The following STAU1 variants were observed in gnomAD, a reference collection of about 807,000 sequenced individuals.
STAU1 encodes the protein double-stranded RNA-binding protein Staufen homolog 1.
A neutral mutation model predicts 62.9 loss-of-function variants in STAU1; 13 were observed. That is an observed-to-expected ratio of 0.21 (90% CI 0.13 to 0.33). STAU1 has a LOEUF of 0.33. Ranked by LOEUF, STAU1 falls within the 10% of genes least tolerant of loss-of-function variation. The pLI is 1.00. For missense variants in STAU1, 571 were observed against 712.1 expected (o/e 0.80, Z 2.25); for synonymous variants, 269 against 265.1 (o/e 1.01, Z -0.14).
chr20:49,149,769 A>G (rs1308016730), intron 5 of STAU1, among the ~76,000 whole-genome samples: 1 of 152,166 alleles, frequency 6.6e-6, no homozygotes, highest in African/African-American at 2.4e-5. Context: ...ATAGCGGAAA[A>G]TGGAAATGCA....
chr20:49,137,106 G>T (rs1264974271), intron 5 of STAU1, among the ~76,000 whole-genome samples: 1 of 152,202 alleles, frequency 6.6e-6, no homozygotes, highest in Admixed American at 6.5e-5. Context: ...CAAGGCTACA[G>T]TGAGCTGTGA....
At chr20:49,141,737 A>G (rs2093012080) in intron 5 of STAU1, among the ~76,000 whole-genome samples, 1 of 151,520 alleles carries the variant, frequency 6.6e-6, no homozygotes, top group Admixed American at 6.6e-5. Flanking sequence ...TCTACTAAAA[A>G]TACAGAAAGT....
At chr20:49,133,065 A>T (rs2092787091) in intron 6 of STAU1, among the ~76,000 whole-genome samples, 1 of 152,212 alleles carries the variant, frequency 6.6e-6, no homozygotes, top group South Asian at 2.1e-4. Context: ...ACTACATGCA[A>T]GCTGTGATAA....
chr20:49,166,196 A>C lies in STAU1; in HGVS notation c.6T>G (p.Ser2=), dbSNP rs2093523677. The C allele has an allele frequency of 3.7e-6, 6 of 1,614,186 alleles. No individual in the cohort carries two copies. Among genetic ancestry groups the C allele is most frequent in the Non-Finnish European group, 5.1e-6 (6 of 1,180,026 alleles). Residue 2 remains serine (S), a synonymous_variant, in exon 3 of 14, where the codon TCT becomes TCG. Transcript: ENST00000371856. M[S]QVQVQVQNPS... ...GGTTCTGAACTTGCACTTGAACTTG[A>C]GACATGGTCACTTTCAACAAAAGTG...
chr20:49,152,103 T>C (rs917400319), intron 4 of STAU1, among the ~76,000 whole-genome samples: 11 of 152,206 alleles, frequency 7.2e-5, no homozygotes, highest in African/African-American at 2.4e-4. Context: ...GCTTTAAATT[T>C]GCATGTCTCC....
chr20:49,126,588 C>CAAAAAAAAAAAAAAAAAAACAA, intron 6 of STAU1, among the ~76,000 whole-genome samples: 1 of 56,348 alleles, frequency 1.8e-5, no homozygotes, highest in African/African-American at 6.4e-5. Context: ...AAAAAAAAAA[C>CAAAAAAAAAAAAAAAAAAACAA]AAAAAAAAAA....
chr20:49,169,301 C>T (rs964801946), intron 2 of STAU1, among the ~76,000 whole-genome samples: 2 of 151,970 alleles, frequency 1.3e-5, no homozygotes, highest in East Asian at 1.9e-4. Context: ...AAAGAGAAGC[C>T]GGAACAGACA....
intron 5 of STAU1, among the ~76,000 whole-genome samples, chr20:49,138,048 G>A (rs867165652): frequency 3.3e-5 from 5 of 152,160 alleles, no homozygotes; most frequent in Middle Eastern, 6.8e-3. Flanking sequence ...ACTTTTTAAG[G>A]ACAAGGTGGG....
chr20:49,166,094 AG>A lies in STAU1; in HGVS notation c.107del (p.Pro36LeufsTer36). The A allele has an allele frequency of 6.2e-7, 1 of 1,614,216 alleles. No individual in the cohort carries two copies. Among genetic ancestry groups the A allele is most frequent in the Non-Finnish European group, 8.5e-7 (1 of 1,180,028 alleles). On this transcript the variant is annotated frameshift_variant, in exon 3 of 14. Transcript: ENST00000371856. LOFTEE classifies it high-confidence loss of function. ...SLLSQPLMSIPSTTSSLPSEN... is the reference protein window; with the variant it reads ...SLLSQPLMSIXSTTSSLPSEN... ...CAGAGGGCAGAGAGCTAGTAGTAGA[AG>A]GAATACTCATCAAAGGCTGTGAGAG...
chr20:49,173,407 C>T lies in STAU1; in HGVS notation c.-85+788G>A, dbSNP rs146138286. Among the ~76,000 whole-genome samples, 268 of 152,228 alleles carry T rather than the reference C, an allele frequency of 1.8e-3. 1 individual carries two copies. The highest frequency in any genetic ancestry group is 5.0e-3 in the African/African-American group (206 of 41,566). On this transcript the variant is annotated intron_variant, in intron 2 of 13. Transcript: ENST00000371856. ...AGGAGGCCGAGGTGAGCCAACATGG[C>T]GCCATTGCACTCCAACCTGGGCAAC...
In STAU1 at chr20:49,124,441, TAAC is replaced by T. The variant is rs2092544412; in HGVS notation, c.753_755del (p.Leu252del). 1 of 1,614,220 alleles carries T rather than the reference TAAC, an allele frequency of 6.2e-7. No individual in the cohort carries two copies. ...CTCGTTCAACTGCAGGCAGGGGCGG[TAAC>T]TTCTTCAGCTCCTCAAGAACAGCTA... is the stretch of plus-strand genomic sequence containing the variant. On this transcript the variant is annotated inframe_deletion, in exon 7 of 14. Coordinates refer to ENST00000371856, the MANE Select transcript of STAU1 (RefSeq NM_017453.4).
At chr20:49,209,506 G>A in the STAU1 span, among the ~76,000 whole-genome samples, 2 of 151,370 alleles carry the variant, frequency 1.3e-5, no homozygotes, top group African/African-American at 4.9e-5. Context: ...CAGTTTGCGA[G>A]GCCAAGTTGG....
chr20:49,183,137 T>C (rs893454355), intron 1 of STAU1, among the ~76,000 whole-genome samples: 1 of 152,146 alleles, frequency 6.6e-6, no homozygotes, highest in African/African-American at 2.4e-5. Context: ...ACGAGAAGCA[T>C]TTCAACCACA....
chr20:49,210,725 T>C, the STAU1 span, among the ~76,000 whole-genome samples: 1 of 152,206 alleles, frequency 6.6e-6, no homozygotes. Flanking sequence ...TCTTCATAAA[T>C]GGTAAAAATG....
intron 5 of STAU1, among the ~76,000 whole-genome samples, chr20:49,150,125 T>C (rs979549082): frequency 6.6e-6 from 1 of 152,224 alleles, no homozygotes. Flanking sequence ...GCCAAAGATA[T>C]TCACTAATGC....
intron 1 of STAU1, among the ~76,000 whole-genome samples, chr20:49,186,143 C>T (rs765626407): frequency 5.3e-5 from 8 of 152,038 alleles, no homozygotes; most frequent in Non-Finnish European, 8.8e-5. Context: ...GTTAGGAGTT[C>T]GAGACCAGTC....
At chr20:49,115,041 C>CAGTA (rs1178756167) in intron 13 of STAU1, 148 bp from the exon 14 acceptor site, 38 of 759,732 alleles carry the variant, frequency 5.0e-5, no homozygotes, top group Non-Finnish European at 8.2e-5. Flanking sequence ...CAGGGTATGC[C>CAGTA]AGTAAGTAAA....
At chr20:49,127,483 A>ATGGCT in intron 6 of STAU1, among the ~76,000 whole-genome samples, 1 of 152,260 alleles carries the variant, frequency 6.6e-6, no homozygotes, top group African/African-American at 2.4e-5. Flanking sequence ...AGGCGGGTGG[A>ATGGCT]TCACCTGAGG....
chr20:49,181,763 CAACAAAAAAAAAAAAA>C (rs1260372981), intron 1 of STAU1, among the ~76,000 whole-genome samples: 3 of 66,708 alleles, frequency 4.5e-5, no homozygotes, highest in East Asian at 5.2e-4. Context: ...AAGACTATCT[CAACAAAAAAAAAAAAA>C]AAAAAAAAAA....
Sources: allele counts gnomAD v4.1 joint callset (sites outside exome capture counted in the v4.1 genomes callset), GRCh38; gene constraint gnomAD v4.1.1; transcripts MANE v1.5; gene names NCBI Gene and HGNC (gene_info 2026-07-23, HGNC 2026-07-21).